RIGI: variants seen among roughly 807,000 people sequenced by gnomAD.
RIGI encodes the protein antiviral innate immune response receptor RIG-I.
At chr9:32,462,052 G>A in the RIGI span, among the ~76,000 whole-genome samples, 5 of 151,886 alleles carry the variant, frequency 3.3e-5, no homozygotes, top group Admixed American at 2.6e-4. Context: ...TTCTGATTAG[G>A]CTGGTAGATG....
the RIGI span, among the ~76,000 whole-genome samples, chr9:32,517,295 C>G: frequency 6.6e-6 from 1 of 152,308 alleles, no homozygotes; most frequent in African/African-American, 2.4e-5. Flanking sequence ...GCCATGTGGA[C>G]TTGGTTGTAG....
At chr9:32,484,936 T>C in the RIGI span, among the ~76,000 whole-genome samples, 1 of 152,142 alleles carries the variant, frequency 6.6e-6, no homozygotes, top group Non-Finnish European at 1.5e-5. Context: ...GACTTAAGTA[T>C]GGTTATTTTT....
the RIGI span, among the ~76,000 whole-genome samples, chr9:32,470,913 G>A: frequency 2.6e-5 from 4 of 152,212 alleles, no homozygotes; most frequent in Non-Finnish European, 5.9e-5. Flanking sequence ...CTGATAAACT[G>A]AGTGAAGAAA....
chr9:32,513,240 CA>C, the RIGI span, among the ~76,000 whole-genome samples: 1 of 151,916 alleles, frequency 6.6e-6, no homozygotes, highest in Non-Finnish European at 1.5e-5. Flanking sequence ...CATATGGAAC[CA>C]AAAAAGAGCC....
chr9:32,480,210 A>T, the RIGI span: 1 of 1,589,780 alleles, frequency 6.3e-7, no homozygotes. Context: ...CTCTGAAAAC[A>T]CCACTCACCT....
chr9:32,516,352 G>A, the RIGI span, among the ~76,000 whole-genome samples: 3 of 152,174 alleles, frequency 2.0e-5, no homozygotes, highest in Admixed American at 2.0e-4. Context: ...AATACTTGTT[G>A]TCTCCCTGTT....
At chr9:32,462,778 G>A in the RIGI span, among the ~76,000 whole-genome samples, 19 of 152,032 alleles carry the variant, frequency 1.2e-4, no homozygotes, top group Admixed American at 9.8e-4. Context: ...TGAACTCTTG[G>A]GCTTAAATGA....
chr9:32,502,972 G>C, the RIGI span, among the ~76,000 whole-genome samples: 1 of 152,168 alleles, frequency 6.6e-6, no homozygotes, highest in African/African-American at 2.4e-5. Flanking sequence ...ATCACATTCT[G>C]AAGTACTGGG....
the RIGI span, chr9:32,525,935 G>T: frequency 1.3e-6 from 1 of 783,502 alleles, no homozygotes; most frequent in Non-Finnish European, 2.2e-6. Context: ...AAATGCTGCG[G>T]AGATCTTACC....
At chr9:32,464,969 T>C in the RIGI span, among the ~76,000 whole-genome samples, 1 of 152,200 alleles carries the variant, frequency 6.6e-6, no homozygotes, top group African/African-American at 2.4e-5. Flanking sequence ...CTACATCTGG[T>C]CTAGCCTCTC....
At chr9:32,499,302 A>C in the RIGI span, among the ~76,000 whole-genome samples, 402 of 123,196 alleles carry the variant, frequency 3.3e-3, 2 homozygotes, top group Non-Finnish European at 4.9e-3. Context: ...ATCTTCTCCC[A>C]GAGTTTGTGA....
At chr9:32,492,346 T>C in the RIGI span, 1 of 1,605,836 alleles carries the variant, frequency 6.2e-7, no homozygotes, top group Non-Finnish European at 8.5e-7. Flanking sequence ...CCGGTTGGAA[T>C]GAGCGAGTCC....
chr9:32,491,490 C>G, the RIGI span: 3 of 1,282,380 alleles, frequency 2.3e-6, no homozygotes, highest in Non-Finnish European at 3.2e-6. Context: ...GAAAGCTCCA[C>G]AAAATGGTCA....
chr9:32,492,298 A>C, the RIGI span: 12 of 1,383,774 alleles, frequency 8.7e-6, 1 homozygote, highest in South Asian at 1.1e-4. Context: ...AGCTCTGGCT[A>C]TCTGAGGGGA....
chr9:32,515,925 T>C, the RIGI span, among the ~76,000 whole-genome samples: 1 of 152,230 alleles, frequency 6.6e-6, no homozygotes, highest in Admixed American at 6.5e-5. Context: ...CCTCTGCTCA[T>C]CTCTTAAATG....
At chr9:32,466,334 TAG>T in the RIGI span, 5 of 1,613,916 alleles carry the variant, frequency 3.1e-6, no homozygotes, top group Non-Finnish European at 3.4e-6. Context: ...AGGCGTAAAA[TAG>T]AGTCATTCAT....
chr9:32,513,017 T>A, the RIGI span, among the ~76,000 whole-genome samples: 2,398 of 152,028 alleles, frequency 0.016, 82 homozygotes, highest in African/African-American at 0.056. Context: ...TTACAAGGGA[T>A]GTGAAGGACC....
At chr9:32,501,017 A>C in the RIGI span, 4 of 1,522,610 alleles carry the variant, frequency 2.6e-6, no homozygotes, top group Non-Finnish European at 3.6e-6. Context: ...AAGGATCACC[A>C]GACCTTCCCA....
chr9:32,497,100 T>G, the RIGI span, among the ~76,000 whole-genome samples: 1 of 152,170 alleles, frequency 6.6e-6, no homozygotes, highest in African/African-American at 2.4e-5. Context: ...CCATTGCGAT[T>G]TTGATAGGGA....
Sources: allele counts gnomAD v4.1 joint callset (sites outside exome capture counted in the v4.1 genomes callset), GRCh38; gene constraint gnomAD v4.1.1; transcripts MANE v1.5; gene names NCBI Gene and HGNC (gene_info 2026-07-23, HGNC 2026-07-21).